Variants in RPS6KA6 observed in about 807,000 individuals in gnomAD.
RPS6KA6 encodes ribosomal protein S6 kinase A6.
A neutral mutation model predicts 65.4 loss-of-function variants in RPS6KA6; 27 were observed. That is an observed-to-expected ratio of 0.41 (90% CI 0.30 to 0.57). The LOEUF (loss-of-function observed/expected upper bound fraction) is 0.57, where lower values mean the gene tolerates loss of function less well. Ranked by LOEUF, RPS6KA6 falls within the 20% of genes least tolerant of loss-of-function variation. The pLI is 0.24. For missense variants in RPS6KA6, 486 were observed against 555.6 expected (o/e 0.87, Z 1.26); for synonymous variants, 190 against 184.2 (o/e 1.03, Z -0.26).
chrX:84,104,932 A>C (rs1175211638), intron 16 of RPS6KA6, among the ~76,000 whole-genome samples: 1 of 110,463 alleles, frequency 9.1e-6, no homozygotes, highest in Non-Finnish European at 1.9e-5. Context: ...AAGAAATTAA[A>C]AAATAGAACT....
intron 20 of RPS6KA6, among the ~76,000 whole-genome samples, chrX:84,073,690 CAT>C (rs1026907246): frequency 2.7e-5 from 3 of 109,269 alleles, no homozygotes; most frequent in African/African-American, 1.0e-4. Flanking sequence ...CAAAAAAATA[CAT>C]AATTTGATTA....
intron 8 of RPS6KA6, 85 bp from the exon 9 acceptor site, chrX:84,120,112 C>T: frequency 1.5e-6 from 1 of 671,905 alleles, no homozygotes; most frequent in Non-Finnish European, 2.1e-6. Context: ...ATGTATTAAA[C>T]ATTACAATTA....
chrX:84,164,248 T>G, intron 2 of RPS6KA6, 80 bp downstream of exon 2: 1 of 725,380 alleles, frequency 1.4e-6, no homozygotes. Context: ...ATTTGTTTGA[T>G]AGGAGCTTTT....
rs190152774 is a variant in RPS6KA6 at position 84,060,851 on chromosome X, C to T, written c.*3426G>A. 2.9e-4 allele frequency: 33 copies of T among 112,104 alleles called. No individual in the cohort carries two copies. The East Asian group carries it at 7.9e-3, about 27-fold the overall frequency. The allele number at this position is 112,104 out of a possible 1,213,427, so 9.2% of individuals were successfully genotyped here. On this transcript the variant is annotated 3_prime_UTR_variant, in exon 22 of 22. Coordinates refer to ENST00000262752, the MANE Select transcript of RPS6KA6 (RefSeq NM_014496.5). ...AACTAAAAACTTGATTAATGCACAA[C>T]TTCCTTAAAAAATGCCAATTAACTA...
At chrX:84,133,678 A>G (rs1005326292) in intron 8 of RPS6KA6, among the ~76,000 whole-genome samples, 5 of 111,772 alleles carry the variant, frequency 4.5e-5, no homozygotes, top group Non-Finnish European at 9.4e-5. Context: ...TTATTAAGCA[A>G]AAATGAAAAG....
intron 19 of RPS6KA6, 46 bp downstream of exon 19, chrX:84,097,726 G>T: frequency 4.9e-6 from 4 of 820,438 alleles, no homozygotes; most frequent in Middle Eastern, 2.9e-4. Context: ...ATATACAGAT[G>T]AAATTCAAAT....
chrX:84,115,410 T>C (rs1023762545), intron 12 of RPS6KA6, among the ~76,000 whole-genome samples: 2 of 112,117 alleles, frequency 1.8e-5, no homozygotes, highest in Non-Finnish European at 3.8e-5. Context: ...TGAAATATGA[T>C]TTTATATCAG....
intron 16 of RPS6KA6, 45 bp from the exon 17 acceptor site, chrX:84,104,702 A>T: frequency 1.3e-6 from 1 of 765,207 alleles, no homozygotes; most frequent in Non-Finnish European, 1.8e-6. Context: ...TATAATTACA[A>T]TTCTATAATT....
rs755411956 is a variant in RPS6KA6, at chrX:84,101,722, A to G, written c.1776+315T>C. Among the ~76,000 whole-genome samples the G allele has an allele frequency of 9.1e-4, 101 of 110,886 alleles. 1 individual carries two copies. The South Asian group carries it at 0.011, about 12-fold the overall frequency. On this transcript the variant is annotated intron_variant, in intron 18 of 21. Transcript: ENST00000262752. ...GTACCTCGAGCCAGTTTCATCATTT[A>G]GAATACATAATATATTGAAGCTGTG...
chrX:84,088,921 G>A (rs1382523176), intron 20 of RPS6KA6, among the ~76,000 whole-genome samples: 4 of 112,219 alleles, frequency 3.6e-5, no homozygotes, highest in South Asian at 3.7e-4. Flanking sequence ...CACAGCAGCT[G>A]TGCTGGGTTG....
At chrX:84,144,558 C>G (rs1254429225) in intron 6 of RPS6KA6, among the ~76,000 whole-genome samples, 5 of 111,211 alleles carry the variant, frequency 4.5e-5, no homozygotes, top group Non-Finnish European at 9.5e-5. Flanking sequence ...GCAACTGAAA[C>G]TCTCTTACGC....
intron 1 of RPS6KA6, among the ~76,000 whole-genome samples, chrX:84,172,466 C>A (rs1230575047): frequency 6.8e-4 from 76 of 111,885 alleles, no homozygotes; most frequent in Non-Finnish European, 1.3e-4. Context: ...CAAAATAATT[C>A]CACCATACAT....
chrX:84,132,768 A>T (rs2034923567), intron 8 of RPS6KA6, among the ~76,000 whole-genome samples: 1 of 109,909 alleles, frequency 9.1e-6, no homozygotes, highest in African/African-American at 3.3e-5. Context: ...TGTTATAACA[A>T]TCATAATCTC....
At chrX:84,164,502 G>C in intron 1 of RPS6KA6, 115 bp from the exon 2 acceptor site, 1 of 499,806 alleles carries the variant, frequency 2.0e-6, no homozygotes, top group South Asian at 3.5e-5. Flanking sequence ...CACACTTACT[G>C]AAAAACAAAA....
Position 84,188,011 on chromosome X carries a change from AC to A in RPS6KA6, c.-113del. 5.0e-6 allele frequency: 2 copies of A among 398,574 alleles called. No homozygotes were observed. Among genetic ancestry groups the A allele is most frequent in the East Asian group, 1.8e-4 (1 of 5,424 alleles). 32.8% of individuals were successfully genotyped at this position (398,574 alleles called of 1,213,427 possible). On this transcript the variant is annotated 5_prime_UTR_variant, in exon 1 of 22. Coordinates refer to ENST00000262752, the MANE Select transcript of RPS6KA6 (RefSeq NM_014496.5). ...CGCCGCCGCCGCCGCCGCCGCCGCG[AC>A]CCCCAGCCCCGCCTTCAGCGAGCGC... is the stretch of plus-strand genomic sequence containing the variant.
intron 16 of RPS6KA6, 129 bp from the exon 17 acceptor site, chrX:84,104,786 T>A (rs964042873): frequency 4.9e-6 from 2 of 407,496 alleles, no homozygotes; most frequent in African/African-American, 5.1e-5. Context: ...AAAGACATTA[T>A]TCCTTTACTC....
chrX:84,074,729 T>A (rs906897578), intron 20 of RPS6KA6, among the ~76,000 whole-genome samples: 13 of 111,564 alleles, frequency 1.2e-4, no homozygotes, highest in African/African-American at 4.2e-4. Flanking sequence ...TAAAAGTATC[T>A]AGCACCCACC....
chrX:84,159,334 G>A (rs1274760560), intron 2 of RPS6KA6, among the ~76,000 whole-genome samples: 1 of 110,526 alleles, frequency 9.0e-6, no homozygotes, highest in African/African-American at 3.3e-5. Context: ...CCACCTCCCT[G>A]TCTTCAGGTT....
chrX:84,112,506 A>T (rs1381872929), intron 12 of RPS6KA6, among the ~76,000 whole-genome samples: 1 of 112,114 alleles, frequency 8.9e-6, no homozygotes, highest in African/African-American at 3.2e-5. Flanking sequence ...TTAGAAATCA[A>T]TACCAAGGGG....
Sources: allele counts gnomAD v4.1 joint callset (sites outside exome capture counted in the v4.1 genomes callset), GRCh38; gene constraint gnomAD v4.1.1; transcripts MANE v1.5; gene names NCBI Gene and HGNC (gene_info 2026-07-23, HGNC 2026-07-21).